Variants in IRGQ observed in about 807,000 individuals in gnomAD.
IRGQ encodes the protein immunity-related GTPase family Q protein.
Under a neutral mutation model 10.5 loss-of-function variants are expected in IRGQ, and 5 were observed. The observed-to-expected ratio is 0.48, with a 90% CI of 0.25 to 1.00. The LOEUF is 1.00. IRGQ is among the 50% of genes least tolerant of loss of function. The probability of loss-of-function intolerance (pLI) is 0.16; values close to 1 mark genes in which losing one functional copy is unlikely to be tolerated. For missense variants in IRGQ, 792 were observed against 877.7 expected (o/e 0.90, Z 1.23); for synonymous variants, 418 against 426.0 (o/e 0.98, Z 0.23).
At chr19:43,594,760 G>C in intron 2 of IRGQ, 49 bp downstream of exon 2, 2 of 1,529,996 alleles carry the variant, frequency 1.3e-6, no homozygotes, top group Non-Finnish European at 1.8e-6. Context: ...GTCGCACCTA[G>C]GTGCCTAGGG....
At position 43,592,574 on chromosome 19, in the gene IRGQ, G is replaced by T. The variant is rs765308965; in HGVS notation, c.1324C>A (p.Leu442Ile). 1.8e-5 allele frequency: 29 copies of T among 1,599,364 alleles called. No individual in the cohort carries two copies. The highest frequency in any genetic ancestry group is 2.3e-5 in the Non-Finnish European group (27 of 1,179,672). Residue 442 changes from leucine (L) to isoleucine (I), a missense_variant, in exon 3 of 3, where the codon CTA (leucine) becomes ATA (isoleucine). By Grantham distance (5) the Leu-to-Ile change is conservative (BLOSUM62 2). Coordinates refer to ENST00000422989, the MANE Select transcript of IRGQ (RefSeq NM_001007561.3). ...AGCGCTCGCCGCAGCCATTCGCATA[G>T]CCCTGGGAGTCCGCCAGGCCGTAGG... Reference protein sequence around the residue: ...FPLRPGGLPGLCEWLRRALPP... With the variant: ...FPLRPGGLPGICEWLRRALPP...
Position 43,592,270 on chromosome 19 carries a change from G to A in IRGQ, c.1628C>T (p.Ala543Val), listed in dbSNP as rs748790439. The A allele has an allele frequency of 8.9e-6, 14 of 1,574,094 alleles. No homozygotes were observed. The highest frequency in any genetic ancestry group is 4.7e-5 in the East Asian group (2 of 42,638). ...ALGLASGELA[A>V]RAHFPGPVTR... Reference sequence around the variant, plus strand: ...CACCGGGCCTGGGAAATGAGCGCGCGCTGCCAGCTCTCCAGAAGCCAGGCC... The same window carrying A: ...CACCGGGCCTGGGAAATGAGCGCGCACTGCCAGCTCTCCAGAAGCCAGGCC... The change falls in exon 3 of 3, where the codon GCG (alanine) becomes GTG (valine). Residue 543 changes from alanine (A) to valine (V), a missense_variant. Coordinates refer to ENST00000422989, the MANE Select transcript of IRGQ (RefSeq NM_001007561.3).
Position 43,594,854 on chromosome 19 carries a change from T to C in IRGQ, c.485A>G (p.Glu162Gly). The change falls in exon 2 of 3, where the codon GAG becomes GGG. Residue 162 changes from glutamate to glycine, a missense_variant. By Grantham distance (98) the Glu-to-Gly change is moderately conservative. Transcript: ENST00000422989. The part of the protein sequence containing the change: ...CGSSDGCEEL[E>G]RLRAALQSQA... ...GCTCTGCAGCGCCGCCCGGAGGCGC[T>C]CTAGCTCCTCGCAGCCGTCGCTGCT... is the stretch of plus-strand genomic sequence containing the variant. 1 of 1,613,056 alleles carries C rather than the reference T, an allele frequency of 6.2e-7. No individual in the cohort carries two copies. The highest frequency in any genetic ancestry group is 8.5e-7 in the Non-Finnish European group (1 of 1,179,708).
At position 43,592,490 on chromosome 19, in the gene IRGQ, C is replaced by A; in HGVS notation, c.1408G>T (p.Ala470Ser). 6.3e-7 allele frequency: 1 copy of A among 1,593,636 alleles called. No homozygotes were observed. The highest frequency in any genetic ancestry group is 1.1e-5 in the South Asian group (1 of 90,608). ...CGCAACGCCGCAGCCTTGGTTCGGG[C>A]AGCGCTGGGAGATGCTGGTGGCAAC... ...LALPPASPSA[A>S]RTKAAALRAG... is the part of the protein sequence containing the mutation. The change falls in exon 3 of 3, where the codon GCC becomes TCC. Residue 470 changes from alanine (A) to serine (S), a missense_variant. Ala to Ser is a moderately conservative substitution (Grantham distance 99). Coordinates refer to ENST00000422989, the MANE Select transcript of IRGQ (RefSeq NM_001007561.3).
intron 2 of IRGQ, among the ~76,000 whole-genome samples, chr19:43,594,398 T>A (rs954010367): frequency 9.9e-5 from 15 of 152,006 alleles, no homozygotes; most frequent in African/African-American, 3.4e-4. Flanking sequence ...GGGGAAACAG[T>A]GAGATGCTGT....
chr19:43,594,391 G>C (rs1973100114), intron 2 of IRGQ, among the ~76,000 whole-genome samples: 1 of 152,198 alleles, frequency 6.6e-6, no homozygotes, highest in Non-Finnish European at 1.5e-5. Context: ...CCAGCCTGGG[G>C]AAACAGTGAG....
At position 43,592,460 on chromosome 19, in the gene IRGQ, C is replaced by CG. The variant is rs944119941; in HGVS notation, c.1437dup (p.Gly480ArgfsTer10). Reference sequence around the variant, plus strand: ...GCCAGCAGAGCTGGCCTCCACGCCCCGGCTCGCAACGCCGCAGCCTTGGTT... The same window carrying CG: ...GCCAGCAGAGCTGGCCTCCACGCCCCGGGCTCGCAACGCCGCAGCCTTGGTT... On this transcript the variant is annotated frameshift_variant, in exon 3 of 3. Transcript: ENST00000422989. LOFTEE classifies it high-confidence loss of function. 1 of 1,585,548 alleles carries CG rather than the reference C, an allele frequency of 6.3e-7. No individual in the cohort carries two copies. Among genetic ancestry groups the CG allele is most frequent in the African/African-American group, 1.3e-5 (1 of 74,608 alleles).
rs1251950322 is a variant in IRGQ, at chr19:43,594,500, G to C, written c.530+309C>G. Among the ~76,000 whole-genome samples, 9 of 151,972 alleles carry C rather than the reference G, an allele frequency of 5.9e-5. No individual in the cohort carries two copies. The East Asian group carries it at 1.6e-3, about 26-fold the overall frequency. ...GAGGCCGTCAGTGAGCTAGGATCGC[G>C]GCACTGCACTCCAGCCTGGGCGACA... On this transcript the variant is annotated intron_variant, in intron 2 of 2. Coordinates refer to ENST00000422989, the MANE Select transcript of IRGQ (RefSeq NM_001007561.3).
In IRGQ at chr19:43,593,834, G is replaced by A. The variant is rs1568528430; in HGVS notation, c.531-467C>T. Among the ~76,000 whole-genome samples, 1 of 152,114 alleles carries A rather than the reference G, an allele frequency of 6.6e-6. No individual in the cohort carries two copies. The highest frequency in any genetic ancestry group is 1.5e-5 in the Non-Finnish European group (1 of 68,014). ...TTTTCAGGGGCTGGGCCTAAGGAGGGTCAGTGAGGGGAGAAATCTCATCTA... is the reference window on the plus strand; with the variant it reads ...TTTTCAGGGGCTGGGCCTAAGGAGGATCAGTGAGGGGAGAAATCTCATCTA... On this transcript the variant is annotated intron_variant, in intron 2 of 2. Coordinates refer to ENST00000422989, the MANE Select transcript of IRGQ (RefSeq NM_001007561.3). The surrounding 1 kb of genome is among the most constrained non-coding windows in gnomAD (Gnocchi z 6.4).
Position 43,587,231 on chromosome 19 carries a change from G to A in IRGQ, c.*4795C>T, listed in dbSNP as rs1011492324. The A allele has an allele frequency of 3.3e-5, 5 of 152,214 alleles. No individual in the cohort carries two copies. The highest frequency in any genetic ancestry group is 6.5e-5 in the Admixed American group (1 of 15,278). 9.4% of individuals were successfully genotyped at this position (152,214 alleles called of 1,614,324 possible). On this transcript the variant is annotated 3_prime_UTR_variant, in exon 3 of 3. Transcript: ENST00000422989. ...TGTAGTCCCAGCTACTCAGGAGGATGATGCAAGAGAATCAGTTGAACCTGG... is the reference window on the plus strand; with the variant it reads ...TGTAGTCCCAGCTACTCAGGAGGATAATGCAAGAGAATCAGTTGAACCTGG...
rs1600074861 is a variant in IRGQ at position 43,592,177 on chromosome 19, A to T, written c.1721T>A (p.Leu574Gln). The T allele has an allele frequency of 1.2e-6, 2 of 1,604,656 alleles. No individual in the cohort carries two copies. Among genetic ancestry groups the T allele is most frequent in the East Asian group, 4.5e-5 (2 of 44,756 alleles). Residue 574 changes from leucine (L) to glutamine (Q), a missense_variant, in exon 3 of 3, where the codon CTG (leucine) becomes CAG (glutamine). Transcript: ENST00000422989. ...AGGCCACAGGAAGGAGAGAGCCCCC[A>T]GTGCTGCGCCCCCAGCAGTGCCCTC... is the stretch of plus-strand genomic sequence containing the variant. ...AGEGTAGGAA[L>Q]GALSFLWPAG...
chr19:43,585,139 A>G lies in IRGQ; in HGVS notation c.*6887T>C, dbSNP rs898516117. 6.6e-6 allele frequency: 1 copy of G among 151,774 alleles called. No individual in the cohort carries two copies. 9.4% of individuals were successfully genotyped at this position (151,774 alleles called of 1,614,324 possible). On this transcript the variant is annotated 3_prime_UTR_variant, in exon 3 of 3. Transcript: ENST00000422989. Reference sequence around the variant, plus strand: ...CCCTAAGTGCTGGGATTATGGGTTTATACCCATATGCCACCATGCTCAGCC... The same window carrying G: ...CCCTAAGTGCTGGGATTATGGGTTTGTACCCATATGCCACCATGCTCAGCC...
At position 43,593,670 on chromosome 19, in the gene IRGQ, G is replaced by T. The variant is rs1438696765; in HGVS notation, c.531-303C>A. On this transcript the variant is annotated intron_variant, in intron 2 of 2. Transcript: ENST00000422989. This position sits in a 1 kb window ranked among gnomAD's most constrained non-coding sequence, Gnocchi z 6.4. ...ACTTCCATGGAATACAGTATTTGGGGGCGGGGTTTTTCCAAGGGTCGGCTG... is the reference window on the plus strand; with the variant it reads ...ACTTCCATGGAATACAGTATTTGGGTGCGGGGTTTTTCCAAGGGTCGGCTG... Among the ~76,000 whole-genome samples, 1 of 152,194 alleles carries T rather than the reference G, an allele frequency of 6.6e-6. No individual in the cohort carries two copies. Among genetic ancestry groups the T allele is most frequent in the Non-Finnish European group, 1.5e-5 (1 of 68,034 alleles).
rs1377820437 is a variant in IRGQ, at chr19:43,595,211, T to C, written c.128A>G (p.Asp43Gly). 6.2e-7 allele frequency: 1 copy of C among 1,612,324 alleles called. No individual in the cohort carries two copies. The change falls in exon 2 of 3, where the codon GAC becomes GGC. Residue 43 changes from aspartate (D) to glycine (G), a missense_variant. Physicochemically the swap from Asp to Gly is moderately conservative, Grantham distance 94. Coordinates refer to ENST00000422989, the MANE Select transcript of IRGQ (RefSeq NM_001007561.3). ...AGCTCTTAGGCTGGGAACCCCGGAGTCCGGCCGTCCCTCGGGGGCCTCGAG... is the reference window on the plus strand; with the variant it reads ...AGCTCTTAGGCTGGGAACCCCGGAGCCCGGCCGTCCCTCGGGGGCCTCGAG... ...ETLEAPEGRP[D>G]SGVPSLRAAG...
At chr19:43,594,783 G>A in intron 2 of IRGQ, 26 bp downstream of exon 2, 6 of 1,574,960 alleles carry the variant, frequency 3.8e-6, no homozygotes, top group Non-Finnish European at 5.2e-6. Context: ...TCGACTAACG[G>A]ACCCAGCCAG....
At position 43,592,043 on chromosome 19, in the gene IRGQ, G is replaced by A. The variant is rs1440219960; in HGVS notation, c.1855C>T (p.Pro619Ser). ...RADAEAVLAPPEPAQ is the reference protein window; with the variant it reads ...RADAEAVLAPSEPAQ ...CCCACTCCTCACTGGGCAGGCTCAGGGGGTGCCAGCACAGCCTCAGCATCA... is the reference window on the plus strand; with the variant it reads ...CCCACTCCTCACTGGGCAGGCTCAGAGGGTGCCAGCACAGCCTCAGCATCA... The change falls in exon 3 of 3, where the codon CCT becomes TCT. Residue 619 changes from proline to serine, a missense_variant. By Grantham distance (74) the Pro-to-Ser change is moderately conservative. Transcript: ENST00000422989. 2 of 1,604,478 alleles carry A rather than the reference G, an allele frequency of 1.2e-6. No individual in the cohort carries two copies. Among genetic ancestry groups the A allele is most frequent in the East Asian group, 2.2e-5 (1 of 44,650 alleles).
In IRGQ at chr19:43,595,135, C is replaced by T. The variant is rs1330606304; in HGVS notation, c.204G>A (p.Pro68=). Reference sequence around the variant, plus strand: ...CGTTGGCTTCCGCCGCCCAGGGCCCCGGCGCTGCGGGTGGGCAGCTCAGCT... The same window carrying T: ...CGTTGGCTTCCGCCGCCCAGGGCCCTGGCGCTGCGGGTGGGCAGCTCAGCT... ...LGELSCPPAA[P]GPWAAEANVL... is the part of the protein sequence containing the mutation. The change falls in exon 2 of 3, where the codon CCG becomes CCA. Residue 68 remains proline, a synonymous_variant. Transcript: ENST00000422989. The T allele has an allele frequency of 1.1e-5, 17 of 1,599,988 alleles. No individual in the cohort carries two copies. The highest frequency in any genetic ancestry group is 4.5e-5 in the East Asian group (2 of 44,200).
At chr19:43,594,775 G>C (rs778662336) in intron 2 of IRGQ, 34 bp downstream of exon 2, 2 of 1,564,234 alleles carry the variant, frequency 1.3e-6, no homozygotes, top group Admixed American at 1.8e-5. Flanking sequence ...CTAGGGTCTC[G>C]ACTAACGGAC....
rs557777135 is a variant in IRGQ at position 43,595,405 on chromosome 19, C to A, written c.-2-65G>T. 4.6e-5 allele frequency: 67 copies of A among 1,444,340 alleles called. No homozygotes were observed. In the South Asian group the frequency reaches 9.0e-4, roughly 19 times the overall value. The allele number at this position is 1,444,340 out of a possible 1,614,324, so 89.5% of individuals were successfully genotyped here. On this transcript the variant is annotated intron_variant, in intron 1 of 2. Coordinates refer to ENST00000422989, the MANE Select transcript of IRGQ (RefSeq NM_001007561.3). ...ACCTAGCCTTTTCCTTTCCTAGCCG[C>A]CCCACTCGGAACCCAGGCCTCAGTC...
Sources: gnomAD v4.1 joint callset for allele counts (sites outside exome capture counted in the v4.1 genomes callset) on GRCh38, gnomAD v4.1.1 for gene constraint, Gnocchi (gnomAD v3.1) non-coding constraint, MANE v1.5 for transcripts, NCBI Gene and HGNC (gene_info 2026-07-23, HGNC 2026-07-21) for gene names.